The following DESI2 variants were observed in gnomAD, a reference collection of about 807,000 sequenced individuals.
DESI2 encodes deubiquitinase DESI2.
A neutral mutation model predicts 24.1 loss-of-function variants in DESI2; 10 were observed. The ratio of observed to expected loss-of-function variants is 0.41; its 90% confidence interval spans 0.26 to 0.70. The LOEUF (loss-of-function observed/expected upper bound fraction) is 0.70. Ranked by LOEUF, DESI2 falls within the 30% of genes least tolerant of loss-of-function variation. DESI2 has a pLI of 0.29. For missense variants in DESI2, 122 were observed against 234.9 expected (o/e 0.52, Z 3.14); for synonymous variants, 71 against 87.7 (o/e 0.81, Z 1.06).
chr1:244,687,432 G>A (rs1433576234), intron 2 of DESI2, among the ~76,000 whole-genome samples: 3 of 152,148 alleles, frequency 2.0e-5, no homozygotes, highest in Admixed American at 1.3e-4. Context: ...TTCATTCAAT[G>A]TATCATTTTG....
chr1:244,673,854 C>T (rs941245954), intron 1 of DESI2, among the ~76,000 whole-genome samples: 5 of 152,064 alleles, frequency 3.3e-5, no homozygotes, highest in African/African-American at 1.2e-4. Context: ...AAAGTATGTT[C>T]TGTATCTAAA....
At chr1:244,671,771 A>G (rs937251374) in intron 1 of DESI2, among the ~76,000 whole-genome samples, 13 of 152,146 alleles carry the variant, frequency 8.5e-5, no homozygotes, top group African/African-American at 2.4e-4. Context: ...TTTGTTTTGC[A>G]TGTTTATAAT....
At chr1:244,691,224 G>C (rs148054140) in intron 3 of DESI2, among the ~76,000 whole-genome samples, 2 of 152,200 alleles carry the variant, frequency 1.3e-5, no homozygotes, top group South Asian at 4.1e-4. Flanking sequence ...AAGTAGCTGG[G>C]ATTACAGGCA....
At chr1:244,695,786 A>C (rs1677190705) in intron 4 of DESI2, among the ~76,000 whole-genome samples, 1 of 152,194 alleles carries the variant, frequency 6.6e-6, no homozygotes, top group African/African-American at 2.4e-5. Context: ...CAAATCCCAG[A>C]TTTCATTTAG....
rs569225624 is a variant in DESI2 at position 244,675,301 on chromosome 1, T to C, written c.43-11296T>C. On this transcript the variant is annotated intron_variant, in intron 1 of 4. Coordinates refer to ENST00000302550, the MANE Select transcript of DESI2 (RefSeq NM_016076.5). ...AAAGCACTAAAGTTTTAAATTCTGC[T>C]TTCATCAATTTTTTTCTTTTGTTGC... 3.3e-5 allele frequency among the ~76,000 whole-genome samples: 5 copies of C among 152,334 alleles called. No homozygotes were observed. In the South Asian group the frequency reaches 8.3e-4, roughly 25 times the overall value.
intron 1 of DESI2, among the ~76,000 whole-genome samples, chr1:244,681,313 C>T (rs933666141): frequency 1.3e-5 from 2 of 152,130 alleles, no homozygotes; most frequent in Non-Finnish European, 2.9e-5. Flanking sequence ...TCCAGTACCA[C>T]GGGCTTCTTC....
chr1:244,653,702 C>T (rs759486359), intron 1 of DESI2: 2 of 390,214 alleles, frequency 5.1e-6, no homozygotes, highest in Admixed American at 4.3e-5. Context: ...CCCCACTTGC[C>T]GGCCCCCGGG....
intron 1 of DESI2, among the ~76,000 whole-genome samples, chr1:244,670,302 A>T (rs570965174): frequency 6.6e-6 from 1 of 152,200 alleles, no homozygotes; most frequent in East Asian, 1.9e-4. Context: ...AATCAAATTA[A>T]CTCTACCATT....
intron 1 of DESI2, chr1:244,654,042 C>G (rs1289060466): frequency 2.1e-6 from 1 of 470,548 alleles, no homozygotes; most frequent in Non-Finnish European, 4.4e-6. Flanking sequence ...CAACAGGTGA[C>G]GTGACCACGG....
intron 1 of DESI2, among the ~76,000 whole-genome samples, chr1:244,671,111 C>T (rs1383585626): frequency 1.3e-5 from 2 of 152,142 alleles, no homozygotes; most frequent in African/African-American, 4.8e-5. Context: ...TCTACTGTTT[C>T]GCGGTTTAAG....
chr1:244,685,049 T>G (rs1309344771), intron 1 of DESI2, among the ~76,000 whole-genome samples: 1 of 152,230 alleles, frequency 6.6e-6, no homozygotes, highest in Non-Finnish European at 1.5e-5. Flanking sequence ...TCAAGAGGGA[T>G]ACTTATATTC....
chr1:244,660,455 C>A (rs749658935), intron 1 of DESI2, among the ~76,000 whole-genome samples: 1 of 152,178 alleles, frequency 6.6e-6, no homozygotes, highest in Non-Finnish European at 1.5e-5. Flanking sequence ...CGTGAGCCAC[C>A]GCACCCGGTC....
chr1:244,682,022 C>T (rs545614014), intron 1 of DESI2, among the ~76,000 whole-genome samples: 4 of 152,158 alleles, frequency 2.6e-5, no homozygotes, highest in East Asian at 1.9e-4. Context: ...CCAGTGGGTT[C>T]GTGGTCTCGC....
intron 3 of DESI2, among the ~76,000 whole-genome samples, chr1:244,690,928 C>A (rs888811400): frequency 2.0e-5 from 3 of 152,302 alleles, no homozygotes; most frequent in African/African-American, 7.2e-5. Context: ...GCTATGATAC[C>A]ATCCTGAATC....
intron 1 of DESI2, among the ~76,000 whole-genome samples, chr1:244,664,102 A>G (rs1388325541): frequency 2.0e-5 from 3 of 152,148 alleles, no homozygotes; most frequent in South Asian, 4.1e-4. Context: ...ATGGCCATCA[A>G]TACTCATTTA....
At chr1:244,683,647 C>T (rs1369107045) in intron 1 of DESI2, among the ~76,000 whole-genome samples, 1 of 151,986 alleles carries the variant, frequency 6.6e-6, no homozygotes, top group African/African-American at 2.4e-5. Context: ...GCTTTTGTTT[C>T]CCTAACAAAT....
At position 244,664,896 on chromosome 1, in the gene DESI2, T is replaced by C. The variant is rs146651402; in HGVS notation, c.42+11541T>C. ...CTAGATTTTTCCTTGCAAAAAATGA[T>C]AGAAATAATCTACATGTTTGTTCCC... is the stretch of plus-strand genomic sequence containing the variant. On this transcript the variant is annotated intron_variant, in intron 1 of 4. Transcript: ENST00000302550. Among the ~76,000 whole-genome samples the C allele has an allele frequency of 7.6e-3, 1,153 of 152,372 alleles. 18 individuals carry two copies. The highest frequency in any genetic ancestry group is 0.027 in the African/African-American group (1,105 of 41,590).
chr1:244,664,945 T>C (rs1336128361), intron 1 of DESI2, among the ~76,000 whole-genome samples: 1 of 152,238 alleles, frequency 6.6e-6, no homozygotes, highest in African/African-American at 2.4e-5. Flanking sequence ...GTTATCCCAA[T>C]GCTGTTTATT....
chr1:244,683,829 A>C, intron 1 of DESI2, among the ~76,000 whole-genome samples: 1 of 149,882 alleles, frequency 6.7e-6, no homozygotes, highest in South Asian at 2.1e-4. Flanking sequence ...CAGTTCTCCC[A>C]CCTCAGCCTC....
Sources: gnomAD v4.1 joint callset for allele counts (sites outside exome capture counted in the v4.1 genomes callset) on GRCh38, gnomAD v4.1.1 for gene constraint, MANE v1.5 for transcripts, NCBI Gene and HGNC (gene_info 2026-07-23, HGNC 2026-07-21) for gene names.